The following MPDZ variants were observed in gnomAD, a reference collection of about 807,000 sequenced individuals.
The protein encoded by MPDZ is multiple PDZ domain crumbs cell polarity complex component.
Under a neutral mutation model 239.1 loss-of-function variants are expected in MPDZ, and 234 were observed. That is an observed-to-expected ratio of 0.98 (90% CI 0.88 to 1.09). The LOEUF is 1.09. Ranked by LOEUF, MPDZ falls within the 50% of genes least tolerant of loss-of-function variation. MPDZ has a pLI of 0.00. For missense variants in MPDZ, 3,175 were observed against 2,510.0 expected, an observed-to-expected ratio of 1.26 and a Z score of -5.66; for synonymous variants, 1,048 against 881.3, an observed-to-expected ratio of 1.19 and a Z score of -3.35.
intron 35 of MPDZ, 60 bp downstream of exon 35, chr9:13,125,156 C>A (rs1944935526): frequency 1.4e-6 from 2 of 1,435,184 alleles, no homozygotes; most frequent in African/African-American, 1.4e-5. Flanking sequence ...CAAGCAGAAA[C>A]CCTCTGCTGA....
At chr9:13,143,629 A>G in intron 26 of MPDZ, 65 bp from the exon 27 acceptor site, 1 of 1,261,006 alleles carries the variant, frequency 7.9e-7, no homozygotes, top group South Asian at 1.2e-5. Context: ...CAGTTTTAAA[A>G]GCAAAGTACA....
chr9:13,222,494 G>T (rs374284587), intron 5 of MPDZ, 48 bp from the exon 6 acceptor site: 14 of 1,410,204 alleles, frequency 9.9e-6, no homozygotes, highest in Non-Finnish European at 1.4e-5. Context: ...GAGTTCTCAA[G>T]GAAATGACAG....
rs769679541 is a variant in MPDZ at position 13,176,228 on chromosome 9, C to G, written c.2839G>C (p.Glu947Gln). The G allele has an allele frequency of 1.2e-6, 2 of 1,604,468 alleles. No individual in the cohort carries two copies. The highest frequency in any genetic ancestry group is 1.7e-6 in the Non-Finnish European group (2 of 1,174,744). The change falls in exon 20 of 47, where the codon GAA becomes CAA. Residue 947 changes from glutamate to glutamine, a missense_variant. Glu to Gln is a conservative substitution (Grantham distance 29, BLOSUM62 2). Transcript: ENST00000319217. ...GATTCAGTCCACACTATTGTGTTTT[C>G]ACATTCATATTGTTGTTCAATAGCA... Reference protein sequence around the residue: ...ANAIEQQYECENTIVWTESHL... With the variant: ...ANAIEQQYECQNTIVWTESHL...
chr9:13,231,223 A>G (rs1962339996), intron 3 of MPDZ, among the ~76,000 whole-genome samples: 1 of 152,214 alleles, frequency 6.6e-6, no homozygotes, highest in East Asian at 1.9e-4. Flanking sequence ...AAAAATGGGG[A>G]AAAAAATACA....
At chr9:13,140,749 A>C (rs1341797876) in intron 27 of MPDZ, 1 of 152,054 alleles carries the variant, frequency 6.6e-6, no homozygotes, top group Non-Finnish European at 1.5e-5. Flanking sequence ...ATCTAGAAAA[A>C]TCTGCCAAGA....
At chr9:13,128,119 CCTCA>C (rs1438589849) in intron 32 of MPDZ, among the ~76,000 whole-genome samples, 3 of 152,144 alleles carry the variant, frequency 2.0e-5, no homozygotes, top group African/African-American at 7.2e-5. Flanking sequence ...CCCCTTCTTC[CCTCA>C]CTATGTTTCA....
rs1173465561 is a variant in MPDZ at position 13,123,270 on chromosome 9, A to C, written c.4836T>G (p.Ile1612Met). 2 of 1,612,616 alleles carry C rather than the reference A, an allele frequency of 1.2e-6. No homozygotes were observed. The highest frequency in any genetic ancestry group is 1.7e-6 in the Non-Finnish European group (2 of 1,179,388). Residue 1612 changes from isoleucine (I) to methionine (M), a missense_variant, in exon 36 of 47, where the codon ATT becomes ATG. Physicochemically the swap from Ile to Met is conservative, Grantham distance 10. Transcript: ENST00000319217. ...RNTSRSSTPA[I>M]FASDPATCPI... ...GGCAGGTTGCAGGATCAGAAGCAAA[A>C]ATTGCTGGTGTTGATGATCTGCTTG... is the stretch of plus-strand genomic sequence containing the variant.
At position 13,136,795 on chromosome 9, in the gene MPDZ, A is replaced by G. The variant is rs1304844647; in HGVS notation, c.4209T>C (p.Gly1403=). The G allele has an allele frequency of 2.5e-6, 4 of 1,587,700 alleles. No homozygotes were observed. In the Admixed American group the frequency reaches 6.9e-5, roughly 27 times the overall value. The change falls in exon 30 of 47, where the codon GGT becomes GGC. Residue 1403 remains glycine, a synonymous_variant. Coordinates refer to ENST00000319217, the MANE Select transcript of MPDZ (RefSeq NM_001378778.1). ...GATGACTTCTTCCATATAAAATCTG[A>G]CCATTGATCTGTGAGAAATAAATAT... ...QIADELLEIN[G]QILYGRSHQN... is the part of the protein sequence containing the mutation.
Position 13,108,954 on chromosome 9 carries a change from A to C in MPDZ, c.6048T>G (p.Val2016=). 1 of 1,611,002 alleles carries C rather than the reference A, an allele frequency of 6.2e-7. No individual in the cohort carries two copies. The highest frequency in any genetic ancestry group is 8.5e-7 in the Non-Finnish European group (1 of 1,178,292). ...AGCTTACCTTTGCAAACACTGTTTT[A>C]ACATAAATGGGTAAGTCTCCATGAG... ...GSPHGDLPIY[V]KTVFAKGAAS... The change falls in exon 46 of 47, where the codon GTT becomes GTG. Residue 2016 remains valine, a synonymous_variant. Coordinates refer to ENST00000319217, the MANE Select transcript of MPDZ (RefSeq NM_001378778.1).
At chr9:13,221,948 T>C (rs1292744604) in intron 6 of MPDZ, among the ~76,000 whole-genome samples, 1 of 152,072 alleles carries the variant, frequency 6.6e-6, no homozygotes, top group African/African-American at 2.4e-5. Flanking sequence ...AAATCAAGCT[T>C]GTATCTGTCT....
At chr9:13,242,299 C>T (rs1965615878) in intron 3 of MPDZ, among the ~76,000 whole-genome samples, 1 of 139,470 alleles carries the variant, frequency 7.2e-6, no homozygotes, top group African/African-American at 2.6e-5. Context: ...AATCTGGGCT[C>T]ACCACAACCT....
At position 13,250,373 on chromosome 9, in the gene MPDZ, CTG is replaced by C. The variant is rs1967612979; in HGVS notation, c.-57-3_-57-2del. ...GATTAACAGCAATTAAAATGGAACT[CTG>C]TGCAAAAAAGAAATAGAATGGTTAT... On this transcript the variant is annotated splice_acceptor_variant and splice_polypyrimidine_tract_variant and intron_variant, in intron 1 of 46. Transcript: ENST00000319217. LOFTEE classifies it low-confidence loss of function (5UTR_SPLICE). 2 of 1,468,874 alleles carry C rather than the reference CTG, an allele frequency of 1.4e-6. No individual in the cohort carries two copies. The highest frequency in any genetic ancestry group is 1.2e-5 in the South Asian group (1 of 81,878). The allele number at this position is 1,468,874 out of a possible 1,614,324, so 91.0% of individuals were successfully genotyped here. A position where few individuals can be genotyped will look rare whatever the true frequency, so the allele number is the denominator to read the frequency against.
chr9:13,216,252 T>G (rs1368918567), intron 10 of MPDZ, among the ~76,000 whole-genome samples: 2 of 151,526 alleles, frequency 1.3e-5, no homozygotes, highest in African/African-American at 4.8e-5. Flanking sequence ...CACATTGATG[T>G]TACAACGATA....
At chr9:13,231,527 G>A (rs1962459530) in intron 3 of MPDZ, among the ~76,000 whole-genome samples, 1 of 152,020 alleles carries the variant, frequency 6.6e-6, no homozygotes, top group South Asian at 2.1e-4. Flanking sequence ...CTGTACTCCA[G>A]CCTGGGTGAC....
intron 19 of MPDZ, among the ~76,000 whole-genome samples, chr9:13,181,065 A>G (rs1168923061): frequency 6.6e-6 from 1 of 152,156 alleles, no homozygotes; most frequent in East Asian, 1.9e-4. Context: ...CCATTCATCA[A>G]GGGGAAGAGA....
intron 1 of MPDZ, among the ~76,000 whole-genome samples, chr9:13,261,867 C>CA (rs34852528): frequency 9.2e-5 from 9 of 98,288 alleles, no homozygotes; most frequent in African/African-American, 3.0e-4. Context: ...CCTGTCTCTA[C>CA]AAAAAAAAAA....
rs773938535 is a variant in MPDZ at position 13,125,230 on chromosome 9, G to A, written c.4793C>T (p.Pro1598Leu). The A allele has an allele frequency of 1.1e-5, 17 of 1,600,064 alleles. No homozygotes were observed. Among genetic ancestry groups the A allele is most frequent in the Middle Eastern group, 1.8e-4 (1 of 5,666 alleles). Reference protein sequence around the residue: ...LMVPQSGSPEPESIRNTSRSS... With the variant: ...LMVPQSGSPELESIRNTSRSS... Reference sequence around the variant, plus strand: ...AGAGGCCTTACTTCGGATGGACTCCGGTTCTGGGGAGCCAGACTGTGGGAC... The same window carrying A: ...AGAGGCCTTACTTCGGATGGACTCCAGTTCTGGGGAGCCAGACTGTGGGAC... The change falls in exon 35 of 47, where the codon CCG (proline) becomes CTG (leucine). Residue 1598 changes from proline to leucine, a missense_variant. By Grantham distance (98) the Pro-to-Leu change is moderately conservative. Coordinates refer to ENST00000319217, the MANE Select transcript of MPDZ (RefSeq NM_001378778.1).
chr9:13,198,035 T>G (rs1404731500), intron 12 of MPDZ, among the ~76,000 whole-genome samples: 2 of 152,142 alleles, frequency 1.3e-5, no homozygotes, highest in African/African-American at 4.8e-5. Flanking sequence ...TTAGCCATAG[T>G]GAACAGAACA....
chr9:13,247,851 T>C, intron 2 of MPDZ, 50 bp from the exon 3 acceptor site: 1 of 1,525,088 alleles, frequency 6.6e-7, no homozygotes, highest in Non-Finnish European at 8.9e-7. Context: ...AGGACACATG[T>C]CCAGCCTAAG....
Sources: allele counts gnomAD v4.1 joint callset (sites outside exome capture counted in the v4.1 genomes callset), GRCh38; gene constraint gnomAD v4.1.1; transcripts MANE v1.5; gene names NCBI Gene and HGNC (gene_info 2026-07-23, HGNC 2026-07-21).